The following FBXW10 variants were observed in gnomAD, a reference collection of about 807,000 sequenced individuals.
FBXW10 encodes the protein F-box and WD repeat domain containing 10, also known as F-box/WD repeat-containing protein 10.
Under a neutral mutation model 113.1 loss-of-function variants are expected in FBXW10, and 68 were observed. The observed-to-expected ratio is 0.60, with a 90% CI of 0.49 to 0.74. The LOEUF (loss-of-function observed/expected upper bound fraction) is 0.74. Ranked by LOEUF, FBXW10 falls within the 30% of genes least tolerant of loss-of-function variation. The probability of loss-of-function intolerance (pLI) is 0.00; values close to 1 mark genes in which losing one functional copy is unlikely to be tolerated. For synonymous variants in FBXW10, 289 were observed against 481.6 expected (o/e 0.60, Z 5.24); for missense variants, 753 against 1,284.5 (o/e 0.59, Z 6.32).
Position 18,772,562 on chromosome 17 carries a change from T to C in FBXW10, c.2157T>C (p.Cys719=). 1 of 1,614,054 alleles carries C rather than the reference T, an allele frequency of 6.2e-7. No individual in the cohort carries two copies. The highest frequency in any genetic ancestry group is 2.2e-5 in the East Asian group (1 of 44,890). The stretch of plus-strand genomic sequence containing the variant: ...GTCTCATGGAAATTCTCTCTAAGTG[T>C]AATATTCAGGTTCACAGCCCAAGAG... ...ENSLMEILSK[C]NIQVHSPRES... is the part of the protein sequence containing the mutation. Residue 719 remains cysteine, a synonymous_variant, in exon 12 of 14, where the codon TGT becomes TGC. Coordinates refer to ENST00000395665, the MANE Select transcript of FBXW10 (RefSeq NM_001267585.2).
At chr17:18,754,055 C>T (rs1894768443) in intron 5 of FBXW10, among the ~76,000 whole-genome samples, 1 of 152,094 alleles carries the variant, frequency 6.6e-6, no homozygotes, top group African/African-American at 2.4e-5. Flanking sequence ...CTGATGCCCG[C>T]AGCTCTGCAT....
rs967909329 is a variant in FBXW10, at chr17:18,749,653, G to A, written c.671-69G>A. Reference sequence around the variant, plus strand: ...ATTTTCTGGGAGAGCTTTTGGTGGGGACTTGTTCTTGGCCTGGAGTTTCTA... The same window carrying A: ...ATTTTCTGGGAGAGCTTTTGGTGGGAACTTGTTCTTGGCCTGGAGTTTCTA... On this transcript the variant is annotated intron_variant, in intron 2 of 13. Coordinates refer to ENST00000395665, the MANE Select transcript of FBXW10 (RefSeq NM_001267585.2). The A allele has an allele frequency of 3.1e-6, 5 of 1,609,050 alleles. No individual in the cohort carries two copies. The African/African-American group carries it at 6.7e-5, about 21-fold the overall frequency.
Position 18,756,074 on chromosome 17 carries a change from G to C in FBXW10, c.1152G>C (p.Gln384His), listed in dbSNP as rs1219903786. 1.9e-6 allele frequency: 3 copies of C among 1,613,956 alleles called. No homozygotes were observed. The highest frequency in any genetic ancestry group is 1.1e-5 in the South Asian group (1 of 91,068). Residue 384 changes from glutamine (Q) to histidine (H), a missense_variant, in exon 6 of 14, where the codon CAG becomes CAC. Transcript: ENST00000395665. ...AGTACAACCTGTGGACTGCATACCAGAACGAGGAAACGCAGCAGGTCCTGA... is the reference window on the plus strand; with the variant it reads ...AGTACAACCTGTGGACTGCATACCACAACGAGGAAACGCAGCAGGTCCTGA... ...KNEYNLWTAYQNEETQQVLIE... is the reference protein window; with the variant it reads ...KNEYNLWTAYHNEETQQVLIE...
chr17:18,757,652 A>G (rs917759145), intron 6 of FBXW10, among the ~76,000 whole-genome samples: 7 of 152,208 alleles, frequency 4.6e-5, no homozygotes, highest in African/African-American at 1.7e-4. Context: ...GTCTCTAAAA[A>G]TAAATAAATA....
At chr17:18,760,744 A>G (rs981058771) in intron 7 of FBXW10, among the ~76,000 whole-genome samples, 2 of 151,346 alleles carry the variant, frequency 1.3e-5, no homozygotes, top group Admixed American at 1.3e-4. Context: ...GTGCCACTGC[A>G]CTCCAGCCAG....
intron 5 of FBXW10, among the ~76,000 whole-genome samples, chr17:18,752,129 C>T (rs1316193556): frequency 6.6e-6 from 1 of 152,148 alleles, no homozygotes; most frequent in Non-Finnish European, 1.5e-5. Context: ...GAGCATCTAG[C>T]TCATATGACC....
At chr17:18,768,750 T>C (rs2035553168) in intron 10 of FBXW10, 74 bp downstream of exon 10, 11 of 1,484,388 alleles carry the variant, frequency 7.4e-6, no homozygotes, top group South Asian at 1.2e-5. Context: ...ACTGCAATCA[T>C]TGGCAGACCT....
At chr17:18,761,635 CAATA>C (rs1215693622) in intron 7 of FBXW10, among the ~76,000 whole-genome samples, 2 of 152,170 alleles carry the variant, frequency 1.3e-5, no homozygotes, top group Non-Finnish European at 2.9e-5. Flanking sequence ...TACCAACTTT[CAATA>C]AAACCTAACT....
intron 10 of FBXW10, chr17:18,769,631 G>C (rs945846016): frequency 3.4e-6 from 1 of 291,452 alleles, no homozygotes; most frequent in Non-Finnish European, 6.4e-6. Flanking sequence ...AAAAAAATTA[G>C]CCAGGTGTGG....
Position 18,744,510 on chromosome 17 carries a change from G to C in FBXW10, c.266G>C (p.Arg89Thr). The change falls in exon 1 of 14, where the codon AGG (arginine) becomes ACG (threonine). Residue 89 changes from arginine to threonine, a missense_variant. Physicochemically the swap from Arg to Thr is moderately conservative, Grantham distance 71. Transcript: ENST00000395665. ...TTQGKDFIYN[R>T]SRINLSKKEG... ...CAGGGAAAGGATTTCATCTATAACA[G>C]GTCCCGGATCAACCTCAGCAAGAAA... The C allele has an allele frequency of 6.2e-7, 1 of 1,613,894 alleles. No homozygotes were observed. The highest frequency in any genetic ancestry group is 8.5e-7 in the Non-Finnish European group (1 of 1,179,870).
chr17:18,748,027 G>A lies in FBXW10; in HGVS notation c.592G>A (p.Ala198Thr). ...TGCGACCTCACAAGTCTATTGGACA[G>A]CCAAAACTCAGCACACATCCCTTCC... ...KSATSQVYWTAKTQHTSLPLS... is the reference protein window; with the variant it reads ...KSATSQVYWTTKTQHTSLPLS... The change falls in exon 2 of 14, where the codon GCC (alanine) becomes ACC (threonine). Residue 198 changes from alanine to threonine, a missense_variant. Transcript: ENST00000395665. 1.2e-6 allele frequency: 2 copies of A among 1,613,856 alleles called. No homozygotes were observed. The highest frequency in any genetic ancestry group is 1.7e-6 in the Non-Finnish European group (2 of 1,179,842).
At position 18,775,161 on chromosome 17, in the gene FBXW10, T is replaced by C. The variant is rs1289665556; in HGVS notation, c.2304T>C (p.Ser768=). The C allele has an allele frequency of 1.3e-5, 21 of 1,611,190 alleles. No individual in the cohort carries two copies. The highest frequency in any genetic ancestry group is 1.8e-5 in the Non-Finnish European group (21 of 1,177,394). ...CAGTGTTAATAGAGGAACTTCAAAG[T>C]CAAGGAAAGTCAAAATCACCCCGAA... ...SSAVLIEELQ[S]QGKSKSPRRD... is the part of the protein sequence containing the mutation. Residue 768 remains serine (S), a synonymous_variant, in exon 13 of 14, where the codon AGT becomes AGC. Coordinates refer to ENST00000395665, the MANE Select transcript of FBXW10 (RefSeq NM_001267585.2).
chr17:18,772,325 TA>T, intron 11 of FBXW10, 86 bp from the exon 12 acceptor site: 1 of 1,306,072 alleles, frequency 7.7e-7, no homozygotes, highest in Non-Finnish European at 1.1e-6. Flanking sequence ...TCCTTTAGTC[TA>T]AAGACCAGGT....
chr17:18,744,487 G>A lies in FBXW10; in HGVS notation c.243G>A (p.Gln81=), dbSNP rs1411545542. ...HYFQNILQTT[Q]GKDFIYNRSR... is the part of the protein sequence containing the mutation. ...TCCAAAATATCCTTCAGACCACACAGGGAAAGGATTTCATCTATAACAGGT... is the reference window on the plus strand; with the variant it reads ...TCCAAAATATCCTTCAGACCACACAAGGAAAGGATTTCATCTATAACAGGT... Residue 81 remains glutamine, a synonymous_variant, in exon 1 of 14, where the codon CAG becomes CAA. Coordinates refer to ENST00000395665, the MANE Select transcript of FBXW10 (RefSeq NM_001267585.2). 1 of 1,613,824 alleles carries A rather than the reference G, an allele frequency of 6.2e-7. No homozygotes were observed. Among genetic ancestry groups the A allele is most frequent in the Non-Finnish European group, 8.5e-7 (1 of 1,179,860 alleles).
chr17:18,768,462 T>C, intron 9 of FBXW10, 72 bp from the exon 10 acceptor site: 4 of 1,584,904 alleles, frequency 2.5e-6, no homozygotes, highest in African/African-American at 2.7e-5. Flanking sequence ...GGGATTCATC[T>C]GAAGAAGCCT....
chr17:18,744,872 A>T, intron 1 of FBXW10, 123 bp downstream of exon 1: 3 of 1,512,976 alleles, frequency 2.0e-6, no homozygotes, highest in Non-Finnish European at 2.7e-6. Context: ...AGAACTCAGC[A>T]TAGGTTTTTT....
At chr17:18,747,399 A>G (rs531179629) in intron 1 of FBXW10, among the ~76,000 whole-genome samples, 3 of 152,198 alleles carry the variant, frequency 2.0e-5, no homozygotes, top group East Asian at 1.9e-4. Flanking sequence ...CATCTCTACT[A>G]AAAATACAAA....
At chr17:18,752,652 G>A (rs1267775599) in intron 5 of FBXW10, among the ~76,000 whole-genome samples, 1 of 151,504 alleles carries the variant, frequency 6.6e-6, no homozygotes, top group Non-Finnish European at 1.5e-5. Context: ...GGCAGAGCTT[G>A]CAGTGAGCCG....
chr17:18,768,372 G>A (rs1199088208), intron 9 of FBXW10, among the ~76,000 whole-genome samples, 162 bp from the exon 10 acceptor site: 1 of 151,948 alleles, frequency 6.6e-6, no homozygotes, highest in Non-Finnish European at 1.5e-5. Context: ...GGCCTCCATC[G>A]GCCTTCTTAG....
Sources: gnomAD v4.1 joint callset for allele counts (sites outside exome capture counted in the v4.1 genomes callset) on GRCh38, gnomAD v4.1.1 for gene constraint, MANE v1.5 for transcripts, NCBI Gene and HGNC (gene_info 2026-07-23, HGNC 2026-07-21) for gene names.